The following EXOC6B variants were observed in gnomAD, a reference collection of about 807,000 sequenced individuals.
EXOC6B encodes the protein exocyst complex component 6B.
Under a neutral mutation model 113.5 loss-of-function variants are expected in EXOC6B, and 54 were observed. The ratio of observed to expected loss-of-function variants is 0.48; its 90% CI spans 0.38 to 0.60. The LOEUF (loss-of-function observed/expected upper bound fraction) is 0.60. Ranked by LOEUF, EXOC6B falls within the 20% of genes least tolerant of loss-of-function variation. The pLI is 0.00. For missense variants in EXOC6B, 797 were observed against 977.5 expected (o/e 0.82, Z 2.46); for synonymous variants, 357 against 339.0 (o/e 1.05, Z -0.58).
At chr2:72,598,893 C>T (rs1036010868) in intron 6 of EXOC6B, among the ~76,000 whole-genome samples, 9 of 152,020 alleles carry the variant, frequency 5.9e-5, no homozygotes, top group African/African-American at 9.7e-5. Context: ...ATCTGTTAAA[C>T]AAATTGAATT....
Position 72,179,337 on chromosome 2 carries a change from A to G in EXOC6B, c.2434T>C (p.Ter812ArgextTer41), listed in dbSNP as rs372158155. 1 of 1,606,414 alleles carries G rather than the reference A, an allele frequency of 6.2e-7. No individual in the cohort carries two copies. The highest frequency in any genetic ancestry group is 8.5e-7 in the Non-Finnish European group (1 of 1,176,156). ...CTCTGTGGGTCCGGGGTCACCCTTCATGAGTGGTGGCTGCTGATGAGTCCT... is the reference window on the plus strand; with the variant it reads ...CTCTGTGGGTCCGGGGTCACCCTTCGTGAGTGGTGGCTGCTGATGAGTCCT... ...LRGLISSHHS[*>R] Residue 812 changes from the stop codon to arginine (R), a stop_lost, in exon 22 of 22, where the codon TGA becomes CGA. Coordinates refer to ENST00000272427, the MANE Select transcript of EXOC6B (RefSeq NM_015189.3).
At chr2:72,510,315 A>AC (rs1700827343) in intron 11 of EXOC6B, among the ~76,000 whole-genome samples, 1 of 152,062 alleles carries the variant, frequency 6.6e-6, no homozygotes, top group South Asian at 2.1e-4. Flanking sequence ...AATGAGCAAT[A>AC]CCTAGAACCT....
intron 20 of EXOC6B, among the ~76,000 whole-genome samples, chr2:72,251,710 A>G (rs1224256054): frequency 6.6e-6 from 1 of 152,230 alleles, no homozygotes; most frequent in East Asian, 1.9e-4. Context: ...TATAGCATGC[A>G]ATGACAATGA....
At chr2:72,586,750 C>CA (rs1011477228) in intron 6 of EXOC6B, among the ~76,000 whole-genome samples, 2 of 148,468 alleles carry the variant, frequency 1.3e-5, no homozygotes, top group East Asian at 2.0e-4. Flanking sequence ...GACTCCGTCT[C>CA]AAAAAAATAA....
At chr2:72,628,222 T>G (rs1170367843) in intron 6 of EXOC6B, among the ~76,000 whole-genome samples, 1 of 151,982 alleles carries the variant, frequency 6.6e-6, no homozygotes, top group East Asian at 1.9e-4. Flanking sequence ...ACTCCTGGGC[T>G]CAACAATCCT....
At chr2:72,818,334 T>C (rs1005360818) in intron 1 of EXOC6B, among the ~76,000 whole-genome samples, 3 of 142,564 alleles carry the variant, frequency 2.1e-5, no homozygotes, top group African/African-American at 8.1e-5. Context: ...TTTTTTTTTT[T>C]GTATTTTTAG....
intron 6 of EXOC6B, among the ~76,000 whole-genome samples, chr2:72,644,606 A>G (rs543926082): frequency 6.6e-6 from 1 of 152,220 alleles, no homozygotes; most frequent in Non-Finnish European, 1.5e-5. Flanking sequence ...GAAACTCTAT[A>G]AGCCAGAAGA....
intron 11 of EXOC6B, among the ~76,000 whole-genome samples, chr2:72,508,728 C>T (rs548710649): frequency 3.3e-5 from 5 of 152,052 alleles, no homozygotes; most frequent in South Asian, 2.1e-4. Context: ...GAGCTGAGAT[C>T]GCACCATTGT....
chr2:72,245,202 C>T (rs749738217), intron 20 of EXOC6B, among the ~76,000 whole-genome samples: 3 of 152,114 alleles, frequency 2.0e-5, no homozygotes, highest in Non-Finnish European at 2.9e-5. Context: ...AGAAGAATGT[C>T]AGAAGATTGA....
At chr2:72,281,656 T>C (rs1301975497) in intron 20 of EXOC6B, among the ~76,000 whole-genome samples, 2 of 151,944 alleles carry the variant, frequency 1.3e-5, no homozygotes, top group Admixed American at 1.3e-4. Context: ...CAGTGGAAGA[T>C]GGAGAATGGG....
intron 18 of EXOC6B, among the ~76,000 whole-genome samples, chr2:72,407,986 C>T (rs1693898381): frequency 6.6e-6 from 1 of 152,168 alleles, no homozygotes; most frequent in South Asian, 2.1e-4. Context: ...AGCCCAAAAT[C>T]TCCTTAAGCT....
chr2:72,469,771 G>A (rs898710454), intron 17 of EXOC6B, among the ~76,000 whole-genome samples: 1 of 151,792 alleles, frequency 6.6e-6, no homozygotes, highest in Non-Finnish European at 1.5e-5. Context: ...CTTGATGGAT[G>A]GTGTCAGTCA....
chr2:72,437,940 A>T (rs1695973932), intron 18 of EXOC6B, among the ~76,000 whole-genome samples: 1 of 152,022 alleles, frequency 6.6e-6, no homozygotes, highest in African/African-American at 2.4e-5. Context: ...CTACTAATGC[A>T]ATTTATGTGA....
intron 18 of EXOC6B, among the ~76,000 whole-genome samples, chr2:72,458,129 C>A (rs1697364385): frequency 6.6e-6 from 1 of 152,096 alleles, no homozygotes; most frequent in Non-Finnish European, 1.5e-5. Flanking sequence ...TACATTTTTT[C>A]TATCAATCAA....
intron 18 of EXOC6B, among the ~76,000 whole-genome samples, chr2:72,439,048 G>A (rs2105324460): frequency 6.6e-6 from 1 of 152,252 alleles, no homozygotes; most frequent in South Asian, 2.1e-4. Flanking sequence ...CTTAGAAGCT[G>A]TTACCTTGGG....
intron 8 of EXOC6B, among the ~76,000 whole-genome samples, chr2:72,529,463 G>T (rs1364294656): frequency 6.6e-6 from 1 of 152,022 alleles, no homozygotes; most frequent in East Asian, 1.9e-4. Context: ...TACCTTAAGG[G>T]TATTAACTTC....
intron 1 of EXOC6B, among the ~76,000 whole-genome samples, chr2:72,753,974 C>T (rs952670906): frequency 6.6e-6 from 1 of 152,146 alleles, no homozygotes; most frequent in Non-Finnish European, 1.5e-5. Context: ...GACAGGGTCT[C>T]ACTCTGTGTC....
chr2:72,769,465 T>G (rs1455282458), intron 1 of EXOC6B, among the ~76,000 whole-genome samples: 1 of 152,206 alleles, frequency 6.6e-6, no homozygotes, highest in African/African-American at 2.4e-5. Context: ...TAATTTATAT[T>G]ATACTCTGAG....
At chr2:72,721,618 A>C (rs1160237104) in intron 5 of EXOC6B, among the ~76,000 whole-genome samples, 2 of 152,052 alleles carry the variant, frequency 1.3e-5, no homozygotes, top group Non-Finnish European at 2.9e-5. Context: ...AACTATTTTA[A>C]GCAATTGCAT....
Sources: gnomAD v4.1 joint callset for allele counts (sites outside exome capture counted in the v4.1 genomes callset) on GRCh38, gnomAD v4.1.1 for gene constraint, MANE v1.5 for transcripts, NCBI Gene and HGNC (gene_info 2026-07-23, HGNC 2026-07-21) for gene names.